The following CTSA variants were observed in gnomAD, a reference collection of about 807,000 sequenced individuals.
The protein encoded by CTSA is lysosomal protective protein.
In CTSA, 42 loss-of-function variants were observed where a neutral mutation model predicts 66.7. The ratio of observed to expected loss-of-function variants is 0.63; its 90% CI spans 0.49 to 0.81. The LOEUF is 0.81. Ranked by LOEUF, CTSA falls within the 40% of genes least tolerant of loss-of-function variation. CTSA has a pLI of 0.00. For synonymous variants in CTSA, 225 were observed against 248.6 expected (o/e 0.91, Z 0.89); for missense variants, 525 against 610.9 (o/e 0.86, Z 1.48).
chr20:45,897,662 G>C (rs2083124943), intron 12 of CTSA, 55 bp from the exon 13 acceptor site: 14 of 1,057,596 alleles, frequency 1.3e-5, no homozygotes, highest in Non-Finnish European at 1.5e-6. Context: ...AACTAGGGAA[G>C]GGCTGGGGAC....
chr20:45,894,386 A>G (rs1220324142), intron 8 of CTSA: 3 of 613,860 alleles, frequency 4.9e-6, no homozygotes, highest in East Asian at 2.8e-5. Flanking sequence ...AAATGAGATC[A>G]TACTACCCAC....
Position 45,891,619 on chromosome 20 carries a change from GC to G in CTSA, c.52del (p.Leu18CysfsTer2). On this transcript the variant is annotated frameshift_variant, in exon 2 of 15. Coordinates refer to ENST00000646241, the MANE Select transcript of CTSA (RefSeq NM_000308.4). LOFTEE classifies it high-confidence loss of function. The surrounding 1 kb of genome is among the most constrained non-coding windows in gnomAD (Gnocchi z 4.6). ...TGTTCCTGCTGCTGCTGCTGCTGCT[GC>G]TGCTAGTGTCCTGGGCGTCCCGAGG... ...PLFLLLLLLL[L>X]LVSWASRGEA... The G allele has an allele frequency of 6.3e-7, 1 of 1,579,894 alleles. No individual in the cohort carries two copies. Among genetic ancestry groups the G allele is most frequent in the Non-Finnish European group, 8.5e-7 (1 of 1,178,344 alleles).
intron 11 of CTSA, 122 bp from the exon 12 acceptor site, chr20:45,896,843 G>C (rs998811787): frequency 1.1e-5 from 9 of 826,462 alleles, no homozygotes; most frequent in Non-Finnish European, 1.9e-5. Context: ...CCAAAAAGGG[G>C]AGTGGAACCC....
At chr20:45,892,946 A>T in intron 6 of CTSA, 66 bp downstream of exon 6, 1 of 1,574,544 alleles carries the variant, frequency 6.4e-7, no homozygotes, top group Non-Finnish European at 8.7e-7. Flanking sequence ...TAGCAAGGTC[A>T]GACTGACTGG....
chr20:45,892,200 G>T (rs1029675605), intron 3 of CTSA, 73 bp from the exon 4 acceptor site: 62 of 1,527,390 alleles, frequency 4.1e-5, no homozygotes, highest in Non-Finnish European at 5.4e-5. Flanking sequence ...CATGTAAAGT[G>T]CCTCTCATGG....
rs768946533 is a variant in CTSA, at chr20:45,895,034, C to T, written c.989C>T (p.Pro330Leu). Residue 330 changes from proline to leucine, a missense_variant, in exon 11 of 15, where the codon CCC (proline) becomes CTC (leucine). By Grantham distance (98) the Pro-to-Leu change is moderately conservative. Around this residue, in one of 3 missense-constraint regions of CTSA, gnomAD observed 274 missense variants for 321.1 expected, o/e 0.85. Transcript: ENST00000646241. ...RSGDKVRMDP[P>L]CTNTTAASTY... ...GGGGATAAAGTGCGCATGGACCCCC[C>T]CTGCACCAACACAACAGCTGCTTCC... The T allele has an allele frequency of 1.2e-6, 2 of 1,614,056 alleles. No homozygotes were observed. Among genetic ancestry groups the T allele is most frequent in the Non-Finnish European group, 1.7e-6 (2 of 1,180,032 alleles).
chr20:45,894,329 G>A (rs1987124794), intron 8 of CTSA: 1 of 620,384 alleles, frequency 1.6e-6, no homozygotes, highest in Non-Finnish European at 2.9e-6. Context: ...CAGGCACTGT[G>A]CTGAACTGTG....
chr20:45,897,657 G>A, intron 12 of CTSA, 60 bp from the exon 13 acceptor site: 1 of 1,012,276 alleles, frequency 9.9e-7, no homozygotes, highest in Non-Finnish European at 1.6e-6. Flanking sequence ...CCTTGAACTA[G>A]GGAAGGGCTG....
chr20:45,896,914 C>T (rs1224715043), intron 11 of CTSA, 51 bp from the exon 12 acceptor site: 1 of 1,479,738 alleles, frequency 6.8e-7, no homozygotes, highest in Non-Finnish European at 9.4e-7. Flanking sequence ...CTGTTGACTA[C>T]TTTTCGCCCC....
chr20:45,894,577 C>A, intron 8 of CTSA, 73 bp from the exon 9 acceptor site: 1 of 1,341,804 alleles, frequency 7.5e-7, no homozygotes, highest in Non-Finnish European at 1.1e-6. Flanking sequence ...AGCAGTAAAT[C>A]TTGGGACAAC....
intron 12 of CTSA, 146 bp from the exon 13 acceptor site, chr20:45,897,571 G>C: frequency 2.9e-6 from 2 of 687,236 alleles, no homozygotes; most frequent in South Asian, 1.5e-5. Flanking sequence ...TGGACATGCA[G>C]TAAGTCGTTA....
chr20:45,897,401 T>C, intron 12 of CTSA: 1 of 497,154 alleles, frequency 2.0e-6, no homozygotes, highest in Admixed American at 3.3e-5. Context: ...GCACAGTGGT[T>C]AATAGCATGG....
In CTSA at chr20:45,895,084, C is replaced by T. The variant is rs1437597214; in HGVS notation, c.1039C>T (p.Arg347Trp). The change falls in exon 11 of 15, where the codon CGG becomes TGG. Residue 347 changes from arginine (R) to tryptophan (W), a missense_variant. Arg to Trp is a moderately radical substitution (Grantham distance 101). Transcript: ENST00000646241. ...CACCTACCTCAACAACCCGTACGTG[C>T]GGAAGGCCCTCAACATCCCGGAGCA... ...ASTYLNNPYV[R>W]KALNIPEQLP... 7.4e-6 allele frequency: 12 copies of T among 1,614,050 alleles called. No homozygotes were observed. Among genetic ancestry groups the T allele is most frequent in the African/African-American group, 4.0e-5 (3 of 74,912 alleles).
At chr20:45,893,926 G>C in intron 7 of CTSA, 62 bp from the exon 8 acceptor site, 1 of 1,037,012 alleles carries the variant, frequency 9.6e-7, no homozygotes, top group Non-Finnish European at 1.5e-6. Context: ...GGGTATGCTC[G>C]CCTCCTCTGC....
At position 45,891,479 on chromosome 20, in the gene CTSA, C is replaced by T. The variant is rs1986899575; in HGVS notation, c.1-90C>T. 5.8e-6 allele frequency: 9 copies of T among 1,547,498 alleles called. No homozygotes were observed. Among genetic ancestry groups the T allele is most frequent in the Non-Finnish European group, 7.8e-6 (9 of 1,146,498 alleles). ...GAGCTGGCGCTGGGGCCGGGGCTTC[C>T]CTCGCGGAGGCGCCGCCAGCAACTC... On this transcript the variant is annotated intron_variant, in intron 1 of 14. Coordinates refer to ENST00000646241, the MANE Select transcript of CTSA (RefSeq NM_000308.4). This position sits in a 1 kb window ranked among gnomAD's most constrained non-coding sequence, Gnocchi z 4.6.
rs377008749 is a variant in CTSA, at chr20:45,898,390, C to G, written c.1383C>G (p.Thr461=). Residue 461 remains threonine, a synonymous_variant, in exon 15 of 15, where the codon ACC becomes ACG. Coordinates refer to ENST00000646241, the MANE Select transcript of CTSA (RefSeq NM_000308.4). The surrounding 1 kb of genome is among the most constrained non-coding windows in gnomAD (Gnocchi z 4.6). The stretch of plus-strand genomic sequence containing the variant: ...AGGGCGCCGGCCACATGGTTCCCAC[C>G]GACAAGCCCCTCGCTGCCTTCACCA... ...TIKGAGHMVP[T]DKPLAAFTMF... is the part of the protein sequence containing the mutation. The G allele has an allele frequency of 3.7e-6, 6 of 1,614,010 alleles. No homozygotes were observed. The highest frequency in any genetic ancestry group is 5.1e-6 in the Non-Finnish European group (6 of 1,179,954).
chr20:45,897,975 T>G (rs749172883), intron 13 of CTSA, 30 bp from the exon 14 acceptor site: 4 of 1,608,292 alleles, frequency 2.5e-6, no homozygotes, highest in Non-Finnish European at 3.4e-6. Flanking sequence ...ATGCAGCTGC[T>G]GTAGGCTGAT....
chr20:45,897,873 G>T, intron 13 of CTSA, 67 bp downstream of exon 13: 1 of 1,499,908 alleles, frequency 6.7e-7, no homozygotes, highest in East Asian at 2.3e-5. Context: ...GTATGCCTGG[G>T]AGTGGCCAGC....
Position 45,891,425 on chromosome 20 carries a change from G to A in CTSA, c.-1+46G>A. 1 of 1,551,422 alleles carries A rather than the reference G, an allele frequency of 6.4e-7. No homozygotes were observed. The highest frequency in any genetic ancestry group is 8.7e-7 in the Non-Finnish European group (1 of 1,148,034). ...GGAGGGGATCCCCGAGCCCGGGATCGGTGCGCGGCAGAGGAGGCTCGCGGG... is the reference window on the plus strand; with the variant it reads ...GGAGGGGATCCCCGAGCCCGGGATCAGTGCGCGGCAGAGGAGGCTCGCGGG... On this transcript the variant is annotated intron_variant, in intron 1 of 14. Coordinates refer to ENST00000646241, the MANE Select transcript of CTSA (RefSeq NM_000308.4). The surrounding 1 kb of genome is among the most constrained non-coding windows in gnomAD (Gnocchi z 4.6).
Sources: allele counts gnomAD v4.1 joint callset, GRCh38; gene constraint gnomAD v4.1.1; regional missense constraint gnomAD v4.1.1; non-coding constraint Gnocchi (gnomAD v3.1); transcripts MANE v1.5; gene names NCBI Gene and HGNC (gene_info 2026-07-23, HGNC 2026-07-21).